The following BEND6 variants were observed in gnomAD, a reference collection of about 807,000 sequenced individuals.
BEND6 encodes the protein BEN domain-containing protein 6.
BEND6 carries 24 observed loss-of-function variants against 31.8 expected under a neutral mutation model. That is an observed-to-expected ratio of 0.75 (90% CI 0.55 to 1.06). The LOEUF (loss-of-function observed/expected upper bound fraction) is 1.06, where lower values mean the gene tolerates loss of function less well. Ranked by LOEUF, BEND6 falls within the 50% of genes least tolerant of loss-of-function variation. The pLI, the probability that BEND6 is intolerant of heterozygous loss-of-function variation, is 0.00. For missense variants in BEND6, 294 were observed against 327.4 expected, an observed-to-expected ratio of 0.90 and a Z score of 0.79; for synonymous variants, 109 against 114.6, an observed-to-expected ratio of 0.95 and a Z score of 0.31.
chr6:57,022,167 T>C (rs1489972111), intron 6 of BEND6, among the ~76,000 whole-genome samples: 1 of 142,400 alleles, frequency 7.0e-6, no homozygotes, highest in Non-Finnish European at 1.5e-5. Flanking sequence ...TCTTTTTCTT[T>C]TTTTTTTTTT....
chr6:57,008,540 C>A, intron 3 of BEND6: 1 of 303,076 alleles, frequency 3.3e-6, no homozygotes, highest in Non-Finnish European at 6.0e-6. Flanking sequence ...TTCACTGCAG[C>A]CTGGGTGACA....
chr6:56,957,478 G>A (rs925248405), intron 1 of BEND6, among the ~76,000 whole-genome samples: 4 of 152,132 alleles, frequency 2.6e-5, no homozygotes, highest in African/African-American at 9.7e-5. Context: ...GTGTTTATGT[G>A]GTGCCTAATG....
intron 1 of BEND6, among the ~76,000 whole-genome samples, chr6:56,964,547 G>A (rs1825401754): frequency 1.3e-5 from 2 of 151,722 alleles, no homozygotes; most frequent in Non-Finnish European, 2.9e-5. Context: ...TGTTGCCCAC[G>A]CTGGAGTGCA....
chr6:57,010,954 G>C (rs1023322590), intron 3 of BEND6: 3 of 413,966 alleles, frequency 7.2e-6, no homozygotes, highest in Non-Finnish European at 9.7e-6. Flanking sequence ...TAATATATAA[G>C]GGAGTTAATA....
chr6:57,003,608 G>A (rs1012735893), intron 3 of BEND6, among the ~76,000 whole-genome samples: 42 of 152,174 alleles, frequency 2.8e-4, no homozygotes, highest in African/African-American at 9.9e-4. Context: ...GACATGCAAA[G>A]AGCTGCTACC....
chr6:56,993,547 A>C (rs1241709370), intron 3 of BEND6, among the ~76,000 whole-genome samples: 3 of 152,212 alleles, frequency 2.0e-5, no homozygotes, highest in Non-Finnish European at 4.4e-5. Context: ...CACAGTGATG[A>C]ATGAGGTTGA....
In BEND6 at chr6:57,018,494, C is replaced by T. The variant is rs753263789; in HGVS notation, c.786C>T (p.Asn262=). The T allele has an allele frequency of 9.4e-6, 15 of 1,587,354 alleles. No homozygotes were observed. The African/African-American group carries it at 1.9e-4, about 20-fold the overall frequency. The part of the protein sequence containing the change: ...IRRMIGQKLN[N]CTKKPNLSKN... Reference sequence around the variant, plus strand: ...GAATGATAGGGCAAAAGCTAAACAACTGTACCAAGAAGCCAAATTTAAGCA... The same window carrying T: ...GAATGATAGGGCAAAAGCTAAACAATTGTACCAAGAAGCCAAATTTAAGCA... Residue 262 remains asparagine, a synonymous_variant, in exon 6 of 7, where the codon AAC becomes AAT. Transcript: ENST00000370746.
chr6:56,989,906 T>C (rs1432431610), intron 2 of BEND6, among the ~76,000 whole-genome samples: 1 of 152,210 alleles, frequency 6.6e-6, no homozygotes, highest in Admixed American at 6.5e-5. Context: ...TAATTTTAAT[T>C]TAGCTGAATT....
intron 6 of BEND6, among the ~76,000 whole-genome samples, chr6:57,022,874 A>G (rs181242310): frequency 6.6e-6 from 1 of 152,030 alleles, no homozygotes; most frequent in Admixed American, 6.6e-5. Flanking sequence ...TTTTTTTCTT[A>G]ATTACTTCAT....
chr6:57,017,451 A>T (rs1827603281), intron 5 of BEND6, 52 bp downstream of exon 5: 3 of 1,243,436 alleles, frequency 2.4e-6, no homozygotes, highest in Admixed American at 3.1e-5. Flanking sequence ...TCATGTTACC[A>T]CTCAAGGTCA....
chr6:57,007,504 C>G (rs1827200818), intron 3 of BEND6, among the ~76,000 whole-genome samples: 4 of 152,076 alleles, frequency 2.6e-5, no homozygotes, highest in Admixed American at 1.3e-4. Flanking sequence ...CTTAAAAGCA[C>G]AGGCAACAAA....
At chr6:56,984,365 C>T (rs546274094) in intron 2 of BEND6, among the ~76,000 whole-genome samples, 3 of 152,234 alleles carry the variant, frequency 2.0e-5, no homozygotes, top group Non-Finnish European at 2.9e-5. Flanking sequence ...AATTACTTTT[C>T]GAGAGTGTTC....
At chr6:56,981,120 A>ATTT (rs1270353720) in intron 1 of BEND6, among the ~76,000 whole-genome samples, 1 of 152,134 alleles carries the variant, frequency 6.6e-6, no homozygotes, top group Non-Finnish European at 1.5e-5. Context: ...AGCCTGCTTT[A>ATTT]TCAGATTTTG....
At chr6:56,956,678 G>C (rs1413667354) in intron 1 of BEND6, among the ~76,000 whole-genome samples, 2 of 152,246 alleles carry the variant, frequency 1.3e-5, no homozygotes, top group Non-Finnish European at 2.9e-5. Flanking sequence ...CATGTAGGCT[G>C]CACTGAATTC....
chr6:57,018,772 A>C (rs1370524954), intron 6 of BEND6, among the ~76,000 whole-genome samples: 1 of 152,186 alleles, frequency 6.6e-6, no homozygotes, highest in Non-Finnish European at 1.5e-5. Context: ...AACCTCTCAG[A>C]TATTTTGATG....
In BEND6 at chr6:57,007,929, C is replaced by T. The variant is rs184111788; in HGVS notation, c.299-7204C>T. Among the ~76,000 whole-genome samples the T allele has an allele frequency of 2.8e-3, 428 of 152,252 alleles. 1 individual carries two copies. The highest frequency in any genetic ancestry group is 4.6e-3 in the Non-Finnish European group (316 of 68,012). ...GGGAATTTATTGCTATAACCAGATA[C>T]AAGGAGAAGGCCAGAGATAATTCCA... On this transcript the variant is annotated intron_variant, in intron 3 of 6. Coordinates refer to ENST00000370746, the MANE Select transcript of BEND6 (RefSeq NM_152731.3).
At chr6:56,976,277 GCTCTGC>G (rs1261562285) in intron 1 of BEND6, among the ~76,000 whole-genome samples, 1 of 147,268 alleles carries the variant, frequency 6.8e-6, no homozygotes, top group East Asian at 2.1e-4. Context: ...CTCACTGCAA[GCTCTGC>G]CTCCCGGGTT....
chr6:56,973,784 T>A (rs149702225), intron 1 of BEND6, among the ~76,000 whole-genome samples: 1 of 152,348 alleles, frequency 6.6e-6, no homozygotes, highest in East Asian at 1.9e-4. Flanking sequence ...AGACAGGGTC[T>A]CATTCTGCCA....
intron 3 of BEND6, chr6:57,009,377 CATT>C (rs774799836): frequency 1.3e-5 from 2 of 152,094 alleles, no homozygotes; most frequent in Non-Finnish European, 2.9e-5. Flanking sequence ...ATCAAAACAT[CATT>C]ATTTGCCCTA....
Sources: gnomAD v4.1 joint callset for allele counts (sites outside exome capture counted in the v4.1 genomes callset) on GRCh38, gnomAD v4.1.1 for gene constraint, MANE v1.5 for transcripts, NCBI Gene and HGNC (gene_info 2026-07-23, HGNC 2026-07-21) for gene names.